Variants in CNTLN observed in about 807,000 individuals in gnomAD.
CNTLN encodes centlein, centrosomal protein.
In CNTLN, 212 loss-of-function variants were observed where a neutral mutation model predicts 180.0. The observed-to-expected ratio is 1.18, with a 90% CI of 1.05 to 1.32. CNTLN has a LOEUF of 1.32. Ranked by LOEUF, CNTLN falls within the 40% of genes most tolerant of loss-of-function variation. CNTLN has a pLI of 0.00. For synonymous variants in CNTLN, 722 were observed against 563.1 expected (o/e 1.28, Z -3.99); for missense variants, 2,095 against 1,610.9 (o/e 1.30, Z -5.14).
chr9:17,340,603 T>C (rs1821403322), intron 10 of CNTLN, among the ~76,000 whole-genome samples: 1 of 152,202 alleles, frequency 6.6e-6, no homozygotes, highest in African/African-American at 2.4e-5. Context: ...TTTGAAATTA[T>C]GTGAGCAGCT....
intron 15 of CNTLN, among the ~76,000 whole-genome samples, chr9:17,408,665 G>C (rs1053406970): frequency 6.6e-6 from 1 of 152,026 alleles, no homozygotes; most frequent in Non-Finnish European, 1.5e-5. Context: ...GTCAGGCGTG[G>C]TGATGGGCGC....
chr9:17,238,297 C>T lies in CNTLN; in HGVS notation c.849+1709C>T, dbSNP rs547538250. On this transcript the variant is annotated intron_variant, in intron 5 of 25. Coordinates refer to ENST00000380647, the MANE Select transcript of CNTLN (RefSeq NM_017738.4). ...TCAAATGTTTAAAGGTTTTATATGA[C>T]AAAGTTTTTCCCACCCTAAAGTCTT... is the stretch of plus-strand genomic sequence containing the variant. Among the ~76,000 whole-genome samples, 8 of 152,182 alleles carry T rather than the reference C, an allele frequency of 5.3e-5. No homozygotes were observed. The East Asian group carries it at 5.8e-4, about 11-fold the overall frequency.
At chr9:17,494,996 A>G in intron 25 of CNTLN, 1 of 440,094 alleles carries the variant, frequency 2.3e-6, no homozygotes, top group Non-Finnish European at 4.5e-6. Flanking sequence ...GTTCTGCCTC[A>G]GCCTCCTGAG....
At chr9:17,322,571 G>T (rs915885674) in intron 8 of CNTLN, among the ~76,000 whole-genome samples, 7 of 151,908 alleles carry the variant, frequency 4.6e-5, no homozygotes, top group African/African-American at 1.7e-4. Flanking sequence ...CTCTATAGTG[G>T]CACTTCTCTT....
chr9:17,520,075 A>T, the CNTLN span, among the ~76,000 whole-genome samples: 10 of 152,352 alleles, frequency 6.6e-5, no homozygotes, highest in Admixed American at 3.9e-4. Context: ...CCCTCATTCA[A>T]ATATTTATTT....
At chr9:17,254,161 T>A (rs1367447553) in intron 5 of CNTLN, among the ~76,000 whole-genome samples, 6 of 151,682 alleles carry the variant, frequency 4.0e-5, no homozygotes, top group African/African-American at 1.4e-4. Flanking sequence ...GTTGACCATC[T>A]TTTCATATGC....
chr9:17,218,755 G>T (rs899244290), intron 2 of CNTLN, among the ~76,000 whole-genome samples: 2 of 151,870 alleles, frequency 1.3e-5, no homozygotes, highest in Admixed American at 6.6e-5. Context: ...AGTAAGTTTT[G>T]CTTTTTTATT....
rs1359547263 is a variant in CNTLN, at chr9:17,135,497, C to T, written c.360+72C>T. The T allele has an allele frequency of 3.3e-6, 5 of 1,502,854 alleles. No homozygotes were observed. The African/African-American group carries it at 6.9e-5, about 21-fold the overall frequency. 93.1% of individuals were successfully genotyped at this position (1,502,854 alleles called of 1,614,324 possible). ...GGGACCCGTGGGGAGGCGCGCCTTT[C>T]TCCCTCTGCCTTGGGACCTACCCCG... On this transcript the variant is annotated intron_variant, in intron 1 of 25. Coordinates refer to ENST00000380647, the MANE Select transcript of CNTLN (RefSeq NM_017738.4).
intron 18 of CNTLN, among the ~76,000 whole-genome samples, chr9:17,444,957 A>C (rs1170802162): frequency 1.3e-5 from 2 of 152,156 alleles, no homozygotes; most frequent in Admixed American, 1.3e-4. Flanking sequence ...TTTCTATATA[A>C]AGGAAATTTC....
At chr9:17,287,383 T>C (rs1224397393) in intron 6 of CNTLN, among the ~76,000 whole-genome samples, 2 of 149,532 alleles carry the variant, frequency 1.3e-5, no homozygotes, top group African/African-American at 4.9e-5. Context: ...GATAAGCTTT[T>C]TGATGTGCTG....
chr9:17,365,447 G>C (rs62558967), intron 12 of CNTLN, among the ~76,000 whole-genome samples: 18,977 of 152,086 alleles, frequency 0.12, 1,640 homozygotes, highest in Non-Finnish European at 0.19. Flanking sequence ...AGCAAAGTGA[G>C]AATAGACTAA....
chr9:17,325,148 T>C (rs1820178474), intron 8 of CNTLN, among the ~76,000 whole-genome samples: 1 of 143,078 alleles, frequency 7.0e-6, no homozygotes, highest in African/African-American at 2.5e-5. Context: ...TATTTTGATT[T>C]ACAATATTAT....
intron 5 of CNTLN, among the ~76,000 whole-genome samples, chr9:17,251,436 C>A (rs1274252873): frequency 1.3e-5 from 2 of 151,444 alleles, no homozygotes; most frequent in African/African-American, 4.8e-5. Flanking sequence ...TTTCTTTTTT[C>A]TCTCTTTATG....
intron 2 of CNTLN, among the ~76,000 whole-genome samples, chr9:17,196,433 A>G (rs1822136645): frequency 1.3e-5 from 2 of 152,138 alleles, no homozygotes; most frequent in African/African-American, 4.8e-5. Flanking sequence ...ATTATGGAAT[A>G]TATACATAAA....
chr9:17,525,137 A>G, the CNTLN span, among the ~76,000 whole-genome samples: 1 of 152,178 alleles, frequency 6.6e-6, no homozygotes, highest in South Asian at 2.1e-4. Flanking sequence ...AACTTGCCCA[A>G]CATCCCTCAG....
the CNTLN span, among the ~76,000 whole-genome samples, chr9:17,518,393 C>T: frequency 2.4e-3 from 361 of 152,194 alleles, 2 homozygotes; most frequent in African/African-American, 8.4e-3. Context: ...TGTTTATGTG[C>T]TGTGGCCCTT....
At chr9:17,295,606 G>A (rs879354907) in intron 6 of CNTLN, among the ~76,000 whole-genome samples, 11 of 152,106 alleles carry the variant, frequency 7.2e-5, no homozygotes, top group Admixed American at 6.5e-4. Context: ...GGGGGCCTCC[G>A]ACCACAGCTG....
chr9:17,388,143 A>G lies in CNTLN; in HGVS notation c.1988-19A>G. On this transcript the variant is annotated intron_variant, in intron 13 of 25. Coordinates refer to ENST00000380647, the MANE Select transcript of CNTLN (RefSeq NM_017738.4). ...AGCAGTACACGTGGTATCATAATATATTATTTATTCTCTACCAGAACAGCT... is the reference window on the plus strand; with the variant it reads ...AGCAGTACACGTGGTATCATAATATGTTATTTATTCTCTACCAGAACAGCT... 6.6e-7 allele frequency: 1 copy of G among 1,515,606 alleles called. No homozygotes were observed. The highest frequency in any genetic ancestry group is 2.3e-5 in the East Asian group (1 of 44,292). 93.9% of individuals were successfully genotyped at this position (1,515,606 alleles called of 1,614,324 possible).
chr9:17,175,441 A>C (rs1466207000), intron 2 of CNTLN, among the ~76,000 whole-genome samples: 1 of 152,170 alleles, frequency 6.6e-6, no homozygotes. Flanking sequence ...CTTTGTCTAA[A>C]ATCACTTGGG....
Sources: allele counts gnomAD v4.1 joint callset (sites outside exome capture counted in the v4.1 genomes callset), GRCh38; gene constraint gnomAD v4.1.1; transcripts MANE v1.5; gene names NCBI Gene and HGNC (gene_info 2026-07-23, HGNC 2026-07-21).